Variants in PLXNA4 observed in about 807,000 individuals in gnomAD.
PLXNA4 encodes the protein plexin A4, also known as plexin-A4.
Under a neutral mutation model 191.8 loss-of-function variants are expected in PLXNA4, and 44 were observed. That is an observed-to-expected ratio of 0.23 (90% confidence interval 0.18 to 0.29). The LOEUF (loss-of-function observed/expected upper bound fraction) is 0.29. Ranked by LOEUF, PLXNA4 falls within the 10% of genes least tolerant of loss-of-function variation. The pLI is 1.00. For missense variants in PLXNA4, 1,800 were observed against 2,488.8 expected, an observed-to-expected ratio of 0.72 and a Z score of 5.89; for synonymous variants, 1,082 against 1,009.5, an observed-to-expected ratio of 1.07 and a Z score of -1.36.
chr7:132,496,773 T>C (rs983060620), intron 2 of PLXNA4, among the ~76,000 whole-genome samples: 1 of 152,216 alleles, frequency 6.6e-6, no homozygotes, highest in South Asian at 2.1e-4. Flanking sequence ...TATTCCAGGA[T>C]CAGAGGAAGG....
intron 2 of PLXNA4, among the ~76,000 whole-genome samples, chr7:132,589,104 A>G (rs1802559923): frequency 6.6e-6 from 1 of 152,218 alleles, no homozygotes; most frequent in Non-Finnish European, 1.5e-5. Flanking sequence ...AAAAACATTT[A>G]TGGAATGCCT....
chr7:132,380,749 C>T (rs1468410149), intron 3 of PLXNA4, among the ~76,000 whole-genome samples: 1 of 152,214 alleles, frequency 6.6e-6, no homozygotes, highest in Non-Finnish European at 1.5e-5. Flanking sequence ...AACCCTATCA[C>T]CCAAAGAACT....
intron 1 of PLXNA4, among the ~76,000 whole-genome samples, chr7:132,556,333 T>C (rs1193213197): frequency 6.6e-6 from 1 of 152,096 alleles, no homozygotes; most frequent in Non-Finnish European, 1.5e-5. Flanking sequence ...TTGATACCCT[T>C]CCCCGGCACA....
At chr7:132,378,472 T>A (rs763353239) in intron 3 of PLXNA4, among the ~76,000 whole-genome samples, 1 of 152,186 alleles carries the variant, frequency 6.6e-6, no homozygotes, top group African/African-American at 2.4e-5. Context: ...AAGCAGGCTG[T>A]GTCCTGGGTT....
chr7:132,581,916 T>C (rs1802408976), upstream of PLXNA4, among the ~76,000 whole-genome samples: 1 of 152,222 alleles, frequency 6.6e-6, no homozygotes, highest in South Asian at 2.1e-4. Context: ...AACTTGTCTT[T>C]TTAACCGCAG....
chr7:132,179,797 G>A lies in PLXNA4; in HGVS notation c.3764C>T (p.Ala1255Val). 6.2e-7 allele frequency: 1 copy of A among 1,613,718 alleles called. No individual in the cohort carries two copies. Among genetic ancestry groups the A allele is most frequent in the South Asian group, 1.1e-5 (1 of 91,060 alleles). Reference protein sequence around the residue: ...AGGLLIIFIVAVLIAYKRKSR... With the variant: ...AGGLLIIFIVVVLIAYKRKSR... ...CTTGCGTTTATAGGCAATGAGCACGGCCACGATGAAAATGATGAGGAGGCC... is the reference window on the plus strand; with the variant it reads ...CTTGCGTTTATAGGCAATGAGCACGACCACGATGAAAATGATGAGGAGGCC... The change falls in exon 20 of 32, where the codon GCC (alanine) becomes GTC (valine). Residue 1255 changes from alanine to valine, a missense_variant. By Grantham distance (64) the Ala-to-Val change is moderately conservative (BLOSUM62 0). This residue lies in a region of PLXNA4 where 1,397 missense variants were observed against 1,880.4 expected (regional missense o/e 0.74). Transcript: ENST00000321063.
chr7:132,577,639 C>T (rs1037444690), upstream of PLXNA4, among the ~76,000 whole-genome samples: 2 of 152,272 alleles, frequency 1.3e-5, no homozygotes, highest in Admixed American at 1.3e-4. Context: ...TCGGCCCGCA[C>T]GGAGCTACCC....
Position 132,133,030 on chromosome 7 carries a change from G to A in PLXNA4, c.5589+19C>T. 6.2e-7 allele frequency: 1 copy of A among 1,610,812 alleles called. No homozygotes were observed. Among genetic ancestry groups the A allele is most frequent in the Non-Finnish European group, 8.5e-7 (1 of 1,178,230 alleles). On this transcript the variant is annotated intron_variant, in intron 31 of 31. Coordinates refer to ENST00000321063, the MANE Select transcript of PLXNA4 (RefSeq NM_020911.2). ...TTCCCCCTTCCATCCCAATGGGCCT[G>A]GAGCAGGGCAAAGCTTACCTCCTCG...
Position 132,147,459 on chromosome 7 carries a change from T to C in PLXNA4, c.4864+441A>G, listed in dbSNP as rs557667611. Reference sequence around the variant, plus strand: ...GGCTTCTACCCCACCTCCAGCACCCTCTCCTCACCACTGCAGAGCCTCGCA... The same window carrying C: ...GGCTTCTACCCCACCTCCAGCACCCCCTCCTCACCACTGCAGAGCCTCGCA... On this transcript the variant is annotated intron_variant, in intron 27 of 31. Coordinates refer to ENST00000321063, the MANE Select transcript of PLXNA4 (RefSeq NM_020911.2). Among the ~76,000 whole-genome samples the C allele has an allele frequency of 1.0e-3, 157 of 152,136 alleles. 2 individuals are homozygous for C. The highest frequency in any genetic ancestry group is 3.6e-3 in the African/African-American group (148 of 41,498).
intron 2 of PLXNA4, among the ~76,000 whole-genome samples, chr7:132,605,727 T>A (rs1802910817): frequency 6.6e-6 from 1 of 151,582 alleles, no homozygotes; most frequent in Non-Finnish European, 1.5e-5. Context: ...TTTGCAGATG[T>A]AATCAAATTG....
Position 132,508,585 on chromosome 7 carries a change from G to T in PLXNA4, c.109C>A (p.Gln37Lys). Residue 37 changes from glutamine to lysine, a missense_variant, in exon 2 of 32, where the codon CAG becomes AAG. Transcript: ENST00000321063. The surrounding 1 kb of genome is among the most constrained non-coding windows in gnomAD (Gnocchi z 4.4). The stretch of plus-strand genomic sequence containing the variant: ...CCTCGGAATGTGACAAATGACCGCT[G>T]CTTCTGGGACAGCGGGGCTGGCTGC... The part of the protein sequence containing the change: ...TRQPAPLSQK[Q>K]RSFVTFRGEP... 1 of 1,614,052 alleles carries T rather than the reference G, an allele frequency of 6.2e-7. No individual in the cohort carries two copies. The highest frequency in any genetic ancestry group is 8.5e-7 in the Non-Finnish European group (1 of 1,179,934).
intron 1 of PLXNA4, among the ~76,000 whole-genome samples, chr7:132,562,028 CTTCTCCTCCTCT>C (rs1801161232): frequency 1.1e-5 from 1 of 89,778 alleles, no homozygotes; most frequent in African/African-American, 3.3e-5. Flanking sequence ...CCTCCTCCTC[CTTCTCCTCCTCT>C]TCCTCCTCCT....
At chr7:132,369,045 T>G (rs1804315600) in intron 3 of PLXNA4, among the ~76,000 whole-genome samples, 1 of 152,100 alleles carries the variant, frequency 6.6e-6, no homozygotes, top group Non-Finnish European at 1.5e-5. Flanking sequence ...CACATTTGAG[T>G]TTTCCTGCTT....
In PLXNA4 at chr7:132,172,583, G is replaced by A. The variant is rs534408911; in HGVS notation, c.4017+2195C>T. On this transcript the variant is annotated intron_variant, in intron 21 of 31. Coordinates refer to ENST00000321063, the MANE Select transcript of PLXNA4 (RefSeq NM_020911.2). The stretch of plus-strand genomic sequence containing the variant: ...ACTACTCCAGGGGCAAGAAGGGGTT[G>A]GAAAAAAAGCAAATAAGAAAAACAG... Among the ~76,000 whole-genome samples the A allele has an allele frequency of 1.8e-3, 205 of 115,640 alleles. 1 individual carries two copies. Among genetic ancestry groups the A allele is most frequent in the African/African-American group, 0.013 (198 of 15,042 alleles). The allele number at this position is 115,640 out of a possible 152,430, so 75.9% of individuals were successfully genotyped here. A position where few individuals can be genotyped will look rare whatever the true frequency, so the allele number is the denominator to read the frequency against.
At chr7:132,588,094 G>A (rs989609371) in intron 2 of PLXNA4, among the ~76,000 whole-genome samples, 1 of 151,672 alleles carries the variant, frequency 6.6e-6, no homozygotes, top group Non-Finnish European at 1.5e-5. Flanking sequence ...CAGTTAATAA[G>A]GTCCTGAAAG....
intron 3 of PLXNA4, among the ~76,000 whole-genome samples, chr7:132,364,223 A>C (rs1804064273): frequency 6.6e-6 from 1 of 152,250 alleles, no homozygotes; most frequent in African/African-American, 2.4e-5. Context: ...GAAGCCATTC[A>C]CATTTTGGTT....
intron 9 of PLXNA4, among the ~76,000 whole-genome samples, chr7:132,215,515 T>A (rs769331398): frequency 6.6e-6 from 1 of 152,338 alleles, no homozygotes. Flanking sequence ...GGAGCATCTT[T>A]TGTTATTCAC....
intron 3 of PLXNA4, among the ~76,000 whole-genome samples, chr7:132,326,816 A>C (rs1029299602): frequency 6.6e-6 from 1 of 151,582 alleles, no homozygotes; most frequent in Non-Finnish European, 1.5e-5. Context: ...CCCTAAAGGC[A>C]GGAATCATGT....
Position 132,280,160 on chromosome 7 carries a change from G to A in PLXNA4, c.1503+17931C>T, listed in dbSNP as rs78717341. On this transcript the variant is annotated intron_variant, in intron 4 of 31. Transcript: ENST00000321063. Reference sequence around the variant, plus strand: ...ATTTCTCGACCCACTAATGTGTCATGACCAGCAGTTTGAAAAACACTGGCT... The same window carrying A: ...ATTTCTCGACCCACTAATGTGTCATAACCAGCAGTTTGAAAAACACTGGCT... 3.1e-3 allele frequency among the ~76,000 whole-genome samples: 466 copies of A among 152,256 alleles called. 3 individuals are homozygous for A. The highest frequency in any genetic ancestry group is 0.011 in the African/African-American group (460 of 41,546).
Sources: gnomAD v4.1 joint callset for allele counts (sites outside exome capture counted in the v4.1 genomes callset) on GRCh38, gnomAD v4.1.1 for gene constraint, gnomAD v4.1.1 regional missense constraint, Gnocchi (gnomAD v3.1) non-coding constraint, MANE v1.5 for transcripts, NCBI Gene and HGNC (gene_info 2026-07-23, HGNC 2026-07-21) for gene names.